Variants in GRIA1 observed in about 807,000 individuals in gnomAD.
GRIA1 encodes glutamate receptor 1.
Under a neutral mutation model 99.2 loss-of-function variants are expected in GRIA1, and 31 were observed. The ratio of observed to expected loss-of-function variants is 0.31; its 90% CI spans 0.23 to 0.42. The LOEUF is 0.42. Among genes scored for constraint, GRIA1 ranks in the 10% least tolerant of loss-of-function variants. The pLI is 1.00. For missense variants in GRIA1, 782 were observed against 1,157.5 expected, an observed-to-expected ratio of 0.68 and a Z score of 4.71; for synonymous variants, 438 against 432.4, an observed-to-expected ratio of 1.01 and a Z score of -0.16.
chr5:153,559,772 T>C (rs976527012), intron 2 of GRIA1, among the ~76,000 whole-genome samples: 4 of 152,182 alleles, frequency 2.6e-5, no homozygotes, highest in African/African-American at 7.2e-5. Flanking sequence ...AAGCAGGTCA[T>C]TGTTAACCAA....
At chr5:153,688,973 G>A (rs923437282) in intron 8 of GRIA1, among the ~76,000 whole-genome samples, 4 of 151,978 alleles carry the variant, frequency 2.6e-5, no homozygotes, top group African/African-American at 4.8e-5. Context: ...ATTCACCTCC[G>A]CCTCCCAAAG....
chr5:153,802,320 TC>T lies in GRIA1; in HGVS notation c.2386-31del, dbSNP rs537392072. On this transcript the variant is annotated intron_variant, in intron 14 of 15. Coordinates refer to ENST00000285900, the MANE Select transcript of GRIA1 (RefSeq NM_000827.4). ...TTAGCCTCTTGACTCACTTTATTCTTCCCCCTCCCCTTCCTTTCCCTCCTCC... is the reference window on the plus strand; with the variant it reads ...TTAGCCTCTTGACTCACTTTATTCTTCCCCTCCCCTTCCTTTCCCTCCTCC... 1.2e-4 allele frequency: 198 copies of T among 1,608,100 alleles called. 2 individuals carry two copies. In the South Asian group the frequency reaches 2.1e-3, roughly 17 times the overall value.
intron 2 of GRIA1, among the ~76,000 whole-genome samples, chr5:153,632,638 G>A (rs1290483821): frequency 1.3e-5 from 2 of 152,042 alleles, no homozygotes; most frequent in African/African-American, 2.4e-5. Context: ...TGATCCTCAC[G>A]GCGCATAAGG....
intron 11 of GRIA1, among the ~76,000 whole-genome samples, chr5:153,726,032 C>A (rs1760501075): frequency 6.6e-6 from 1 of 150,614 alleles, no homozygotes; most frequent in African/African-American, 2.4e-5. Context: ...GAAATTATAA[C>A]AAACTGTCTC....
chr5:153,681,600 C>G (rs1297882028), intron 7 of GRIA1, among the ~76,000 whole-genome samples: 2 of 152,158 alleles, frequency 1.3e-5, no homozygotes, highest in Non-Finnish European at 2.9e-5. Context: ...AACCGTGGCT[C>G]CACGCAGAAC....
chr5:153,675,602 C>A (rs1229759662), intron 6 of GRIA1, among the ~76,000 whole-genome samples: 2 of 152,216 alleles, frequency 1.3e-5, no homozygotes, highest in Admixed American at 1.3e-4. Flanking sequence ...CTTTGACAGA[C>A]TTTCTCTTGC....
intron 2 of GRIA1, among the ~76,000 whole-genome samples, chr5:153,500,024 C>T (rs73282402): frequency 0.019 from 2,885 of 152,296 alleles, 88 homozygotes; most frequent in African/African-American, 0.064. Flanking sequence ...GAAGTTGGCT[C>T]CTCAATCTTC....
At chr5:153,725,343 C>T (rs1342968556) in intron 11 of GRIA1, among the ~76,000 whole-genome samples, 5 of 150,864 alleles carry the variant, frequency 3.3e-5, no homozygotes, top group Admixed American at 6.6e-5. Flanking sequence ...CATCAACTAA[C>T]AAGCAAAATA....
rs1754452329 is a variant in GRIA1, at chr5:153,650,216, T to C, written c.461-114T>C. 5.1e-6 allele frequency: 4 copies of C among 780,632 alleles called. No homozygotes were observed. In the East Asian group the frequency reaches 7.8e-5, roughly 15 times the overall value. 48.4% of individuals were successfully genotyped at this position (780,632 alleles called of 1,614,324 possible). ...CAGCCAGAGAAAACTAGAACTGAGTTTGGCAGAAGAGTGGGTTTGGGGGTA... is the reference window on the plus strand; with the variant it reads ...CAGCCAGAGAAAACTAGAACTGAGTCTGGCAGAAGAGTGGGTTTGGGGGTA... On this transcript the variant is annotated intron_variant, in intron 3 of 15. Coordinates refer to ENST00000285900, the MANE Select transcript of GRIA1 (RefSeq NM_000827.4).
chr5:153,770,079 G>T, intron 12 of GRIA1, 89 bp from the exon 13 acceptor site: 2 of 1,318,096 alleles, frequency 1.5e-6, no homozygotes, highest in East Asian at 2.3e-5. Context: ...ATGAATGTGT[G>T]ATCAAGCTAC....
chr5:153,763,039 A>G (rs1173957363), intron 11 of GRIA1, among the ~76,000 whole-genome samples: 3 of 152,186 alleles, frequency 2.0e-5, no homozygotes, highest in African/African-American at 7.2e-5. Flanking sequence ...GGTCTCATCC[A>G]TTCCAACAAG....
Position 153,812,906 on chromosome 5 carries a change from C to T in GRIA1, c.*1681C>T, listed in dbSNP as rs1766919477. ...CTGATAACCATATTCTGGCTTGTTC[C>T]CTTACCCCCTACTTCTATCCAATTT... On this transcript the variant is annotated 3_prime_UTR_variant, in exon 16 of 16. Transcript: ENST00000285900. 1 of 152,204 alleles carries T rather than the reference C, an allele frequency of 6.6e-6. No individual in the cohort carries two copies. The highest frequency in any genetic ancestry group is 6.5e-5 in the Admixed American group (1 of 15,274). The allele number at this position is 152,204 out of a possible 1,614,324, so 9.4% of individuals were successfully genotyped here. A position where few individuals can be genotyped will look rare whatever the true frequency, so the allele number is the denominator to read the frequency against.
intron 2 of GRIA1, among the ~76,000 whole-genome samples, chr5:153,585,736 G>T (rs13155429): frequency 0.018 from 2,794 of 151,988 alleles, 70 homozygotes; most frequent in African/African-American, 0.06. Flanking sequence ...TCCTCTTCCC[G>T]TCCTCATTTC....
intron 2 of GRIA1, among the ~76,000 whole-genome samples, chr5:153,561,570 T>A (rs1412214132): frequency 1.3e-5 from 2 of 152,184 alleles, no homozygotes; most frequent in African/African-American, 4.8e-5. Context: ...AACTCAAGTT[T>A]ATTACTTAAC....
chr5:153,706,009 A>G lies in GRIA1; in HGVS notation c.1765A>G (p.Asn589Asp). The change falls in exon 11 of 16, where the codon AAC (asparagine) becomes GAC (aspartate). Residue 589 changes from asparagine (N) to aspartate (D), a missense_variant. Around this residue, in one of 5 missense-constraint regions of GRIA1, gnomAD observed 39 missense variants for 43.5 expected, o/e 0.90. Coordinates refer to ENST00000285900, the MANE Select transcript of GRIA1 (RefSeq NM_000827.4). Reference protein sequence around the residue: ...SDQSNEFGIFNSLWFSLGAFM... With the variant: ...SDQSNEFGIFDSLWFSLGAFM... ...CCAGTCCAATGAGTTTGGGATATTCAACAGTTTGTGGTTCTCCCTGGGAGC... is the reference window on the plus strand; with the variant it reads ...CCAGTCCAATGAGTTTGGGATATTCGACAGTTTGTGGTTCTCCCTGGGAGC... 6.2e-7 allele frequency: 1 copy of G among 1,613,924 alleles called. No homozygotes were observed. The highest frequency in any genetic ancestry group is 1.1e-5 in the South Asian group (1 of 91,074).
At chr5:153,792,014 A>G (rs1461716746) in intron 13 of GRIA1, among the ~76,000 whole-genome samples, 1 of 152,186 alleles carries the variant, frequency 6.6e-6, no homozygotes, top group Non-Finnish European at 1.5e-5. Flanking sequence ...ATCTAAAATC[A>G]CAGAGAACAT....
At chr5:153,688,256 A>G (rs1194904142) in intron 8 of GRIA1, among the ~76,000 whole-genome samples, 1 of 152,154 alleles carries the variant, frequency 6.6e-6, no homozygotes, top group Non-Finnish European at 1.5e-5. Flanking sequence ...TTGGCTATGA[A>G]TGTAGCCACT....
chr5:153,506,316 GGTGTGTGTGTGTGT>G (rs61220170), intron 2 of GRIA1, among the ~76,000 whole-genome samples: 41 of 140,414 alleles, frequency 2.9e-4, no homozygotes, highest in African/African-American at 9.4e-4. Context: ...TGGCAAGAAG[GGTGTGTGTGTGTGT>G]GTGTGTGTGT....
At chr5:153,491,236 G>A (rs957330026) in intron 1 of GRIA1, 1 of 1,321,106 alleles carries the variant, frequency 7.6e-7, no homozygotes, top group East Asian at 2.9e-5. Context: ...AGGAACCATC[G>A]CTTTGGAGGA....
Sources: gnomAD v4.1 joint callset for allele counts (sites outside exome capture counted in the v4.1 genomes callset) on GRCh38, gnomAD v4.1.1 for gene constraint, gnomAD v4.1.1 regional missense constraint, MANE v1.5 for transcripts, NCBI Gene and HGNC (gene_info 2026-07-23, HGNC 2026-07-21) for gene names.